WDR70: variants seen among roughly 807,000 people sequenced by gnomAD.
WDR70 encodes the protein WD repeat-containing protein 70.
A neutral mutation model predicts 88.6 loss-of-function variants in WDR70; 53 were observed. The observed-to-expected ratio is 0.60, with a 90% CI of 0.48 to 0.75. The LOEUF (loss-of-function observed/expected upper bound fraction) is 0.75, where lower values mean the gene tolerates loss of function less well. WDR70 is among the 30% of genes least tolerant of loss of function. The pLI is 0.00. For missense variants in WDR70, 610 were observed against 823.2 expected (o/e 0.74, Z 3.17); for synonymous variants, 280 against 270.0 (o/e 1.04, Z -0.36).
At chr5:37,558,458 A>C (rs1302845113) in intron 9 of WDR70, among the ~76,000 whole-genome samples, 1 of 151,954 alleles carries the variant, frequency 6.6e-6, no homozygotes, top group Non-Finnish European at 1.5e-5. Flanking sequence ...AGCTGGGACT[A>C]TAGGTGCACA....
intron 9 of WDR70, among the ~76,000 whole-genome samples, chr5:37,554,462 G>A (rs537288988): frequency 5.3e-4 from 80 of 152,188 alleles, no homozygotes; most frequent in Non-Finnish European, 9.3e-4. Context: ...TTTAGATTGA[G>A]GTTGAAAGAT....
chr5:37,443,100 T>C, intron 6 of WDR70, 139 bp from the exon 7 acceptor site: 1 of 873,582 alleles, frequency 1.1e-6, no homozygotes. Flanking sequence ...TTCCTGCTTT[T>C]CAGAAGTAAC....
At position 37,595,914 on chromosome 5, in the gene WDR70, A is replaced by G. The variant is rs184085990; in HGVS notation, c.918-9150A>G. On this transcript the variant is annotated intron_variant, in intron 9 of 17. Transcript: ENST00000265107. ...TTTTAGGAATCAACTTTGAGGTCTA[A>G]TCTATATACAGTGAGGTGCAATTGA... Among the ~76,000 whole-genome samples, 40 of 152,306 alleles carry G rather than the reference A, an allele frequency of 2.6e-4. No individual in the cohort carries two copies. The East Asian group carries it at 7.3e-3, about 28-fold the overall frequency.
intron 10 of WDR70, among the ~76,000 whole-genome samples, chr5:37,611,569 T>C (rs1744193212): frequency 1.3e-5 from 2 of 152,078 alleles, no homozygotes; most frequent in Admixed American, 1.3e-4. Flanking sequence ...TGCATTGATA[T>C]ATTTTTAGCA....
intron 10 of WDR70, among the ~76,000 whole-genome samples, chr5:37,688,637 T>TTGCC (rs1746684046): frequency 1.3e-5 from 2 of 151,188 alleles, no homozygotes; most frequent in Admixed American, 6.6e-5. Context: ...CAGAGTTTCG[T>TTGCC]TTGTCCTAGG....
In WDR70 at chr5:37,443,355, C is replaced by T. The variant is rs369210929; in HGVS notation, c.669C>T (p.Ser223=). Residue 223 remains serine, a synonymous_variant, in exon 7 of 18, where the codon TCC becomes TCT. Coordinates refer to ENST00000265107, the MANE Select transcript of WDR70 (RefSeq NM_018034.4). ...GMDASFKAFR[S]LQPCECHQIK... The stretch of plus-strand genomic sequence containing the variant: ...ATGCTTCTTTTAAGGCATTTCGATC[C>T]CTTCAGCCCTGTGAGTGGTATGTAT... The T allele has an allele frequency of 6.2e-6, 10 of 1,613,696 alleles. No homozygotes were observed. In the African/African-American group the frequency reaches 1.2e-4, roughly 19 times the overall value.
chr5:37,401,162 C>CTTT (rs1265153086), intron 5 of WDR70, among the ~76,000 whole-genome samples: 4 of 72,570 alleles, frequency 5.5e-5, no homozygotes, highest in Admixed American at 1.9e-4. Context: ...CTACACCTAG[C>CTTT]TATTTTTTTT....
intron 9 of WDR70, among the ~76,000 whole-genome samples, chr5:37,529,630 G>A (rs776651318): frequency 6.6e-6 from 1 of 151,918 alleles, no homozygotes; most frequent in African/African-American, 2.4e-5. Flanking sequence ...GAGTGTGGTT[G>A]CTATTGGTAT....
intron 9 of WDR70, among the ~76,000 whole-genome samples, chr5:37,600,422 G>T (rs979596155): frequency 4.6e-5 from 7 of 151,436 alleles, no homozygotes; most frequent in African/African-American, 1.7e-4. Context: ...AGCTACTCGG[G>T]AGGCTAAGGC....
chr5:37,559,525 A>G (rs1290100155), intron 9 of WDR70, among the ~76,000 whole-genome samples: 2 of 152,160 alleles, frequency 1.3e-5, no homozygotes, highest in Non-Finnish European at 1.5e-5. Context: ...GTTGATTGCC[A>G]GAAATGTGTT....
intron 8 of WDR70, chr5:37,506,815 C>T (rs76341813): frequency 0.16 from 217,769 of 1,344,072 alleles, 18,773 homozygotes; most frequent in South Asian, 0.26. Flanking sequence ...ACCACCTTTC[C>T]GTTCTTGGGG....
intron 5 of WDR70, among the ~76,000 whole-genome samples, chr5:37,421,797 A>T (rs1361896804): frequency 1.3e-5 from 2 of 151,924 alleles, no homozygotes; most frequent in Non-Finnish European, 2.9e-5. Context: ...TGGGGTATAC[A>T]TGAGGTTGGT....
chr5:37,395,275 A>T (rs1167315416), intron 4 of WDR70, among the ~76,000 whole-genome samples: 1 of 152,108 alleles, frequency 6.6e-6, no homozygotes, highest in Non-Finnish European at 1.5e-5. Flanking sequence ...GGTGTGGTGG[A>T]TAGGAAACCA....
chr5:37,634,021 C>T (rs1372104764), intron 10 of WDR70, among the ~76,000 whole-genome samples: 2 of 151,658 alleles, frequency 1.3e-5, no homozygotes, highest in Non-Finnish European at 2.9e-5. Flanking sequence ...TACATATGGC[C>T]AGGTGTGGTG....
At chr5:37,531,587 C>CTT (rs149831770) in intron 9 of WDR70, among the ~76,000 whole-genome samples, 16 of 77,732 alleles carry the variant, frequency 2.1e-4, no homozygotes, top group East Asian at 7.0e-4. Flanking sequence ...TAAAGTTTTT[C>CTT]TTTTTTTTTT....
intron 17 of WDR70, among the ~76,000 whole-genome samples, chr5:37,750,959 A>G (rs1181442965): frequency 1.3e-5 from 2 of 152,226 alleles, no homozygotes; most frequent in Non-Finnish European, 2.9e-5. Context: ...CCTTTTTTAT[A>G]TACAAGAAAC....
At chr5:37,745,557 G>A (rs1397511048) in intron 17 of WDR70, among the ~76,000 whole-genome samples, 3 of 151,702 alleles carry the variant, frequency 2.0e-5, no homozygotes, top group Non-Finnish European at 4.4e-5. Context: ...GACACACACA[G>A]GCTCAAAATA....
chr5:37,432,173 A>G (rs902319711), intron 5 of WDR70, among the ~76,000 whole-genome samples: 2 of 151,528 alleles, frequency 1.3e-5, no homozygotes, highest in Non-Finnish European at 2.9e-5. Context: ...TCCTACCAAC[A>G]TTGCACAAGG....
chr5:37,627,360 TG>T (rs1191723834), intron 10 of WDR70, among the ~76,000 whole-genome samples: 1 of 152,150 alleles, frequency 6.6e-6, no homozygotes, highest in East Asian at 1.9e-4. Flanking sequence ...CCTCCAACCT[TG>T]GCCTCCCAAA....
Sources: gnomAD v4.1 joint callset for allele counts (sites outside exome capture counted in the v4.1 genomes callset) on GRCh38, gnomAD v4.1.1 for gene constraint, MANE v1.5 for transcripts, NCBI Gene and HGNC (gene_info 2026-07-23, HGNC 2026-07-21) for gene names.